Variants in OSMR observed in about 807,000 individuals in gnomAD.
OSMR encodes the protein oncostatin-M-specific receptor subunit beta.
Under a neutral mutation model 99.9 loss-of-function variants are expected in OSMR, and 81 were observed. The ratio of observed to expected loss-of-function variants is 0.81; its 90% CI spans 0.68 to 0.97. The LOEUF is 0.97. OSMR is among the 50% of genes least tolerant of loss of function. The pLI is 0.00. For missense variants in OSMR, 1,099 were observed against 1,153.4 expected (o/e 0.95, Z 0.68); for synonymous variants, 406 against 410.4 (o/e 0.99, Z 0.13).
chr5:38,880,300 A>T (rs1163365209), intron 3 of OSMR, among the ~76,000 whole-genome samples: 1 of 152,206 alleles, frequency 6.6e-6, no homozygotes, highest in Non-Finnish European at 1.5e-5. Context: ...GCCCTTAGAA[A>T]CATGGATGCA....
chr5:38,871,008 G>A (rs1742343638), intron 2 of OSMR, among the ~76,000 whole-genome samples: 1 of 152,190 alleles, frequency 6.6e-6, no homozygotes, highest in Non-Finnish European at 1.5e-5. Flanking sequence ...TGGTGAAGGG[G>A]AGATAAAAGG....
At chr5:38,866,833 T>G (rs1049510505) in intron 1 of OSMR, among the ~76,000 whole-genome samples, 3 of 152,242 alleles carry the variant, frequency 2.0e-5, no homozygotes, top group Admixed American at 6.5e-5. Flanking sequence ...GGCTGTCTTG[T>G]GGCTAGGATT....
chr5:38,942,293 T>C (rs762621443), intron 1 of OSMR: 1 of 1,539,530 alleles, frequency 6.5e-7, no homozygotes, highest in Non-Finnish European at 8.9e-7. Flanking sequence ...ATATCCATCA[T>C]AAATATGAGG....
chr5:38,928,830 G>A (rs1450518143), intron 15 of OSMR, among the ~76,000 whole-genome samples: 3 of 152,048 alleles, frequency 2.0e-5, no homozygotes, highest in Admixed American at 1.3e-4. Context: ...AGCACTCTTG[G>A]CATGTTGGAG....
chr5:38,939,193 T>G (rs768666253), downstream of OSMR: 1 of 232,890 alleles, frequency 4.3e-6, no homozygotes, highest in African/African-American at 2.2e-5. Flanking sequence ...TAAATAGCAG[T>G]AGGAAAATGT....
In OSMR at chr5:38,901,804, G is replaced by A. The variant is rs778769924; in HGVS notation, c.992-2078G>A. On this transcript the variant is annotated intron_variant, in intron 7 of 17. Transcript: ENST00000274276. Reference sequence around the variant, plus strand: ...TGAATGGCTTCCAAGGCCTGTTGTCGCAAAGAACCTCATTTAAAATTGGTG... The same window carrying A: ...TGAATGGCTTCCAAGGCCTGTTGTCACAAAGAACCTCATTTAAAATTGGTG... Among the ~76,000 whole-genome samples, 21 of 152,232 alleles carry A rather than the reference G, an allele frequency of 1.4e-4. No homozygotes were observed. The South Asian group carries it at 1.5e-3, about 11-fold the overall frequency.
At chr5:38,904,169 A>T in intron 8 of OSMR, 145 bp downstream of exon 8, 2 of 1,526,640 alleles carry the variant, frequency 1.3e-6, no homozygotes, top group Non-Finnish European at 1.8e-6. Context: ...CCATGAAATT[A>T]ATCATACACT....
Position 38,866,545 on chromosome 5 carries a change from G to A in OSMR, c.-13-2487G>A, listed in dbSNP as rs567673021. Among the ~76,000 whole-genome samples the A allele has an allele frequency of 4.6e-5, 7 of 152,292 alleles. No individual in the cohort carries two copies. In the East Asian group the frequency reaches 1.4e-3, roughly 29 times the overall value. On this transcript the variant is annotated intron_variant, in intron 1 of 17. Transcript: ENST00000274276. ...TATAGACTGAGTGAGGTAGAGTGCT[G>A]GGGACACAGCCACACTGCTGGGTCC... is the stretch of plus-strand genomic sequence containing the variant.
chr5:38,905,044 A>G (rs1196812260), intron 9 of OSMR, among the ~76,000 whole-genome samples: 1 of 152,170 alleles, frequency 6.6e-6, no homozygotes, highest in Non-Finnish European at 1.5e-5. Flanking sequence ...GAGAACTCAA[A>G]TGGGCCTCAG....
At chr5:38,924,363 A>C (rs577800605) in intron 13 of OSMR, 59 bp from the exon 14 acceptor site, 39 of 1,611,584 alleles carry the variant, frequency 2.4e-5, no homozygotes, top group Non-Finnish European at 3.1e-5. Flanking sequence ...AGTTGACATG[A>C]ATATTCTGAG....
chr5:38,925,175 TG>T, intron 14 of OSMR, 28 bp from the exon 15 acceptor site: 1 of 1,611,330 alleles, frequency 6.2e-7, no homozygotes, highest in Non-Finnish European at 8.5e-7. Flanking sequence ...TTTTTTTCCT[TG>T]AAAAAAAAAC....
At chr5:38,906,723 TA>T (rs1216015109) in intron 9 of OSMR, among the ~76,000 whole-genome samples, 2 of 152,140 alleles carry the variant, frequency 1.3e-5, no homozygotes, top group Non-Finnish European at 2.9e-5. Context: ...GCAACTAAAA[TA>T]AAAAACTTAA....
intron 9 of OSMR, among the ~76,000 whole-genome samples, chr5:38,908,101 C>G (rs951041414): frequency 3.9e-5 from 6 of 152,134 alleles, no homozygotes; most frequent in African/African-American, 1.4e-4. Context: ...CTGCCCCTAC[C>G]CCTGTGCTGC....
intron 1 of OSMR, among the ~76,000 whole-genome samples, chr5:38,855,456 C>T (rs549185697): frequency 1.9e-4 from 29 of 152,166 alleles, no homozygotes; most frequent in African/African-American, 6.7e-4. Context: ...TTGATACAGA[C>T]CACCAGGTGT....
chr5:38,877,209 G>A (rs1742908319), intron 3 of OSMR, among the ~76,000 whole-genome samples: 1 of 152,172 alleles, frequency 6.6e-6, no homozygotes, highest in African/African-American at 2.4e-5. Flanking sequence ...CTAGGACTGT[G>A]CTTGGGCCCT....
In OSMR at chr5:38,917,625, A is replaced by G. The variant is rs373151211; in HGVS notation, c.1362+3A>G. 6 of 1,607,638 alleles carry G rather than the reference A, an allele frequency of 3.7e-6. No individual in the cohort carries two copies. The African/African-American group carries it at 6.7e-5, about 18-fold the overall frequency. ...ATACTGTGACCTTATTCTGGAAGGT[A>G]AGATGTGCAGATTCCAAAAGTCTGA... On this transcript the variant is annotated splice_donor_region_variant and intron_variant, in intron 10 of 17. Transcript: ENST00000274276.
At chr5:38,877,793 A>G (rs1489812056) in intron 3 of OSMR, among the ~76,000 whole-genome samples, 1 of 152,194 alleles carries the variant, frequency 6.6e-6, no homozygotes, top group Non-Finnish European at 1.5e-5. Flanking sequence ...ACTCATATCT[A>G]TTATTATGTT....
chr5:38,915,028 T>C (rs1178255454), intron 9 of OSMR, among the ~76,000 whole-genome samples: 1 of 152,178 alleles, frequency 6.6e-6, no homozygotes, highest in Non-Finnish European at 1.5e-5. Context: ...TTTAAAAGTA[T>C]TTCAAAGGAA....
chr5:38,898,882 A>C (rs1333545120), intron 7 of OSMR, among the ~76,000 whole-genome samples: 2 of 151,822 alleles, frequency 1.3e-5, no homozygotes, highest in Non-Finnish European at 2.9e-5. Context: ...ACAAACAGGC[A>C]AAAAACTCTA....
Sources: allele counts gnomAD v4.1 joint callset (sites outside exome capture counted in the v4.1 genomes callset), GRCh38; gene constraint gnomAD v4.1.1; transcripts MANE v1.5; gene names NCBI Gene and HGNC (gene_info 2026-07-23, HGNC 2026-07-21).